SLC25A17: variants seen among roughly 807,000 people sequenced by gnomAD.
SLC25A17 encodes the protein solute carrier family 25 member 17.
SLC25A17 carries 26 observed loss-of-function variants against 38.5 expected under a neutral mutation model. That is an observed-to-expected ratio of 0.68 (90% CI 0.50 to 0.94). The LOEUF is 0.94. SLC25A17 is among the 40% of genes least tolerant of loss of function. The pLI is 0.00. For missense variants in SLC25A17, 333 were observed against 372.7 expected (o/e 0.89, Z 0.88); for synonymous variants, 139 against 136.2 (o/e 1.02, Z -0.14).
At chr22:40,792,768 G>A (rs915230943) in intron 3 of SLC25A17, 92 bp from the exon 4 acceptor site, 4 of 1,325,400 alleles carry the variant, frequency 3.0e-6, no homozygotes, top group Non-Finnish European at 4.2e-6. Context: ...TCATTCACAT[G>A]GTCTCAAGCT....
chr22:40,805,571 G>A (rs1260043301), intron 1 of SLC25A17, among the ~76,000 whole-genome samples: 2 of 152,166 alleles, frequency 1.3e-5, no homozygotes, highest in Non-Finnish European at 2.9e-5. Flanking sequence ...ACTGGAAGAA[G>A]AAGAATTGTC....
At chr22:40,808,219 C>T (rs2057546875) in intron 1 of SLC25A17, among the ~76,000 whole-genome samples, 1 of 152,190 alleles carries the variant, frequency 6.6e-6, no homozygotes, top group Non-Finnish European at 1.5e-5. Context: ...GTATCTCACT[C>T]AAAACATTTT....
intron 1 of SLC25A17, among the ~76,000 whole-genome samples, chr22:40,810,107 T>G (rs2057565932): frequency 6.6e-6 from 1 of 152,186 alleles, no homozygotes; most frequent in African/African-American, 2.4e-5. Flanking sequence ...ATTTCCTGAA[T>G]GATAGGAATG....
At chr22:40,800,835 CA>C (rs2057474185) in intron 1 of SLC25A17, among the ~76,000 whole-genome samples, 2 of 149,016 alleles carry the variant, frequency 1.3e-5, no homozygotes, top group South Asian at 4.2e-4. Context: ...CATGATGGCT[CA>C]CGCCTGTAAT....
In SLC25A17 at chr22:40,769,694, T is replaced by G. The variant is rs1386459146; in HGVS notation, c.*1140A>C. 6.6e-6 allele frequency: 1 copy of G among 152,196 alleles called. No individual in the cohort carries two copies. The highest frequency in any genetic ancestry group is 1.5e-5 in the Non-Finnish European group (1 of 68,032). 9.4% of individuals were successfully genotyped at this position (152,196 alleles called of 1,614,324 possible). A position where few individuals can be genotyped will look rare whatever the true frequency, so the allele number is the denominator to read the frequency against. On this transcript the variant is annotated 3_prime_UTR_variant, in exon 9 of 9. Transcript: ENST00000435456. Reference sequence around the variant, plus strand: ...TTTGAGAAAAATCTTTATCTTGATGTCTATAATCGAAACCAATCACTTCTT... The same window carrying G: ...TTTGAGAAAAATCTTTATCTTGATGGCTATAATCGAAACCAATCACTTCTT...
At chr22:40,771,123 T>C in intron 8 of SLC25A17, 142 bp from the exon 9 acceptor site, 2 of 753,772 alleles carry the variant, frequency 2.7e-6, no homozygotes, top group South Asian at 5.7e-5. Flanking sequence ...CTTTCCTTTT[T>C]TTGAGACGGA....
intron 8 of SLC25A17, among the ~76,000 whole-genome samples, chr22:40,773,502 G>A (rs1286082022): frequency 6.6e-6 from 1 of 150,614 alleles, no homozygotes. Flanking sequence ...GAAAATGTTA[G>A]CTACTCTTAC....
At chr22:40,795,446 C>T (rs1482250899) in intron 2 of SLC25A17, among the ~76,000 whole-genome samples, 5 of 152,176 alleles carry the variant, frequency 3.3e-5, no homozygotes, top group Admixed American at 2.6e-4. Context: ...GCGCCCACCA[C>T]GATGCCCGGC....
intron 1 of SLC25A17, among the ~76,000 whole-genome samples, chr22:40,810,108 G>A (rs1178748284): frequency 6.6e-6 from 1 of 152,104 alleles, no homozygotes; most frequent in Non-Finnish European, 1.5e-5. Flanking sequence ...TTTCCTGAAT[G>A]ATAGGAATGT....
intron 1 of SLC25A17, among the ~76,000 whole-genome samples, chr22:40,818,496 G>C (rs746565554): frequency 6.6e-6 from 1 of 152,034 alleles, no homozygotes; most frequent in Non-Finnish European, 1.5e-5. Context: ...ATCGTTTGAG[G>C]CCAGGAATTC....
chr22:40,809,055 G>T (rs1416235185), intron 1 of SLC25A17, among the ~76,000 whole-genome samples: 1 of 151,260 alleles, frequency 6.6e-6, no homozygotes, highest in Non-Finnish European at 1.5e-5. Context: ...TGGAAAATAT[G>T]GTTTAAAAAA....
At position 40,789,398 on chromosome 22, in the gene SLC25A17, C is replaced by T. The variant is rs1236913666; in HGVS notation, c.334+3127G>A. The T allele has an allele frequency of 1.3e-5, 2 of 152,264 alleles. No individual in the cohort carries two copies. The highest frequency in any genetic ancestry group is 1.3e-4 in the Admixed American group (2 of 15,292). 9.4% of individuals were successfully genotyped at this position (152,264 alleles called of 1,614,324 possible). ...GGGTGCACCAGGGGCCCGACGATGC[C>T]GATGACACGCCACGGAGGATCCCTG... On this transcript the variant is annotated intron_variant, in intron 4 of 8. Transcript: ENST00000435456. The surrounding 1 kb of genome is among the most constrained non-coding windows in gnomAD (Gnocchi z 4.5).
At chr22:40,815,468 TTA>T (rs1233519745) in intron 1 of SLC25A17, among the ~76,000 whole-genome samples, 1 of 152,208 alleles carries the variant, frequency 6.6e-6, no homozygotes, top group African/African-American at 2.4e-5. Context: ...AGGTTCTATT[TTA>T]TCTAGAGAGT....
At chr22:40,816,974 A>G (rs555098977) in intron 1 of SLC25A17, among the ~76,000 whole-genome samples, 2 of 152,288 alleles carry the variant, frequency 1.3e-5, no homozygotes, top group African/African-American at 4.8e-5. Flanking sequence ...GACCTTCTCT[A>G]CTGTACTCCT....
intron 1 of SLC25A17, among the ~76,000 whole-genome samples, chr22:40,808,593 G>A (rs2057550284): frequency 6.6e-6 from 1 of 152,246 alleles, no homozygotes; most frequent in Non-Finnish European, 1.5e-5. Flanking sequence ...GATTATATGG[G>A]AAGGGAGGGA....
chr22:40,808,418 G>T (rs2145701509), intron 1 of SLC25A17, among the ~76,000 whole-genome samples: 2 of 152,328 alleles, frequency 1.3e-5, no homozygotes, highest in South Asian at 4.1e-4. Flanking sequence ...TTACAACCAA[G>T]ATCTCTGACT....
chr22:40,810,189 A>T (rs1386592436), intron 1 of SLC25A17, among the ~76,000 whole-genome samples: 1 of 152,062 alleles, frequency 6.6e-6, no homozygotes, highest in Non-Finnish European at 1.5e-5. Context: ...GAATCTCCAG[A>T]GTGCTAACAG....
At chr22:40,780,950 A>C (rs981492778) in intron 4 of SLC25A17, among the ~76,000 whole-genome samples, 4 of 152,086 alleles carry the variant, frequency 2.6e-5, no homozygotes, top group Admixed American at 2.6e-4. Context: ...TGGGAGGATC[A>C]CTTGAGCCTA....
intron 4 of SLC25A17, among the ~76,000 whole-genome samples, chr22:40,784,935 G>A (rs1253239061): frequency 6.6e-6 from 1 of 152,146 alleles, no homozygotes; most frequent in Non-Finnish European, 1.5e-5. Flanking sequence ...TAAACAAGTG[G>A]TAACTAATCT....
Sources: gnomAD v4.1 joint callset for allele counts (sites outside exome capture counted in the v4.1 genomes callset) on GRCh38, gnomAD v4.1.1 for gene constraint, Gnocchi (gnomAD v3.1) non-coding constraint, MANE v1.5 for transcripts, NCBI Gene and HGNC (gene_info 2026-07-23, HGNC 2026-07-21) for gene names.